ATRN: variants seen among roughly 807,000 people sequenced by gnomAD.
ATRN encodes attractin.
Under a neutral mutation model 178.7 loss-of-function variants are expected in ATRN, and 54 were observed. The observed-to-expected ratio is 0.30, with a 90% CI of 0.24 to 0.38. The LOEUF is 0.38. ATRN is among the 10% of genes least tolerant of loss of function. ATRN has a pLI of 1.00. For missense variants in ATRN, 1,443 were observed against 1,815.1 expected, an observed-to-expected ratio of 0.79 and a Z score of 3.73; for synonymous variants, 636 against 663.0, an observed-to-expected ratio of 0.96 and a Z score of 0.63.
At chr20:3,518,141 G>C (rs528615942) in intron 1 of ATRN, among the ~76,000 whole-genome samples, 1 of 152,160 alleles carries the variant, frequency 6.6e-6, no homozygotes, top group African/African-American at 2.4e-5. Context: ...TTTTTGTGTT[G>C]TGGGAATGAC....
chr20:3,620,714 C>T (rs2086890617), intron 24 of ATRN, among the ~76,000 whole-genome samples: 1 of 152,194 alleles, frequency 6.6e-6, no homozygotes, highest in Non-Finnish European at 1.5e-5. Flanking sequence ...TCTTGGAATA[C>T]AAAAGTGTAT....
rs1196827827 is a variant in ATRN, at chr20:3,638,406, G to A, written c.3943-422G>A. 6.6e-6 allele frequency among the ~76,000 whole-genome samples: 1 copy of A among 152,112 alleles called. No homozygotes were observed. Among genetic ancestry groups the A allele is most frequent in the Non-Finnish European group, 1.5e-5 (1 of 68,040 alleles). ...TATTTGGTTTTCTGTTCCTGTGTTG[G>A]TTTGCTGAGACTGATGGCTTCCAGC... On this transcript the variant is annotated intron_variant, in intron 26 of 28. Coordinates refer to ENST00000262919, the MANE Select transcript of ATRN (RefSeq NM_139321.3). The surrounding 1 kb of genome is among the most constrained non-coding windows in gnomAD (Gnocchi z 4.5).
intron 25 of ATRN, among the ~76,000 whole-genome samples, chr20:3,625,516 T>C (rs1189502920): frequency 6.6e-6 from 1 of 152,242 alleles, no homozygotes; most frequent in East Asian, 1.9e-4. Context: ...GATTTTTCTA[T>C]GTGCCTACCC....
rs533729868 is a variant in ATRN at position 3,644,431 on chromosome 20, G to C, written c.4165+163G>C. Among the ~76,000 whole-genome samples the C allele has an allele frequency of 2.6e-5, 4 of 152,310 alleles. No homozygotes were observed. In the South Asian group the frequency reaches 6.2e-4, roughly 24 times the overall value. On this transcript the variant is annotated intron_variant, in intron 28 of 28. Transcript: ENST00000262919. ...TGAGATAACCCATTTTCACCTATAT[G>C]CCCAAAACTGTTTTCCCGAGGTCAT...
At chr20:3,521,856 C>T (rs760519144) in intron 1 of ATRN, among the ~76,000 whole-genome samples, 39 of 152,174 alleles carry the variant, frequency 2.6e-4, no homozygotes, top group Non-Finnish European at 5.6e-4. Context: ...GATTGTAGCT[C>T]ACTGCAGCCT....
chr20:3,585,126 C>T (rs2086340117), intron 18 of ATRN, among the ~76,000 whole-genome samples: 1 of 152,112 alleles, frequency 6.6e-6, no homozygotes, highest in South Asian at 2.1e-4. Flanking sequence ...CTTGAAGTGA[C>T]CACTCAGCAA....
chr20:3,587,327 G>T (rs556513973), intron 18 of ATRN, among the ~76,000 whole-genome samples: 1 of 152,166 alleles, frequency 6.6e-6, no homozygotes, highest in Admixed American at 6.5e-5. Context: ...ACATAGATTT[G>T]CTCCTAAGTT....
intron 18 of ATRN, among the ~76,000 whole-genome samples, chr20:3,587,972 G>A (rs189546059): frequency 3.3e-5 from 5 of 152,092 alleles, no homozygotes; most frequent in Admixed American, 2.6e-4. Context: ...TCAGCCTCTC[G>A]AGTAACTGGT....
intron 24 of ATRN, among the ~76,000 whole-genome samples, chr20:3,615,407 C>A (rs564232533): frequency 1.4e-5 from 2 of 146,654 alleles, no homozygotes; most frequent in Non-Finnish European, 3.0e-5. Flanking sequence ...GCAGCCTGAG[C>A]GACAGAGCAA....
At chr20:3,510,423 CTT>C (rs2085109121) in intron 1 of ATRN, among the ~76,000 whole-genome samples, 1 of 152,216 alleles carries the variant, frequency 6.6e-6, no homozygotes, top group Non-Finnish European at 1.5e-5. Context: ...TTCAGGAAAA[CTT>C]TATCTGTATA....
At chr20:3,574,200 C>G (rs1296642435) in intron 12 of ATRN, among the ~76,000 whole-genome samples, 1 of 150,752 alleles carries the variant, frequency 6.6e-6, no homozygotes, top group Non-Finnish European at 1.5e-5. Context: ...AAACTTTTCA[C>G]GAATATAAAT....
chr20:3,564,421 G>C (rs235572), intron 10 of ATRN, among the ~76,000 whole-genome samples: 130,541 of 152,152 alleles, frequency 0.86, 56,415 homozygotes, highest in East Asian at 1. Flanking sequence ...AGGAAACCCA[G>C]TTTGCAGAGA....
In ATRN at chr20:3,638,439, G is replaced by A. The variant is rs7261629; in HGVS notation, c.3943-389G>A. On this transcript the variant is annotated intron_variant, in intron 26 of 28. Transcript: ENST00000262919. This position sits in a 1 kb window ranked among gnomAD's most constrained non-coding sequence, Gnocchi z 4.5. The stretch of plus-strand genomic sequence containing the variant: ...AGACTGATGGCTTCCAGCTTCATCC[G>A]TGTCCCTGCAAAGGATATGAACTCA... 0.17 allele frequency among the ~76,000 whole-genome samples: 25,787 copies of A among 152,080 alleles called. 4,514 individuals are homozygous for A. The highest frequency in any genetic ancestry group is 0.45 in the African/African-American group (18,731 of 41,436).
intron 1 of ATRN, among the ~76,000 whole-genome samples, chr20:3,527,641 ACTC>A (rs1282186370): frequency 6.6e-6 from 1 of 151,842 alleles, no homozygotes; most frequent in Non-Finnish European, 1.5e-5. Flanking sequence ...TTGCAGCACT[ACTC>A]ACAATAGCAA....
Position 3,562,314 on chromosome 20 carries a change from C to G in ATRN, c.1486C>G (p.Leu496Val). ...GAGTATATTACACACCCAGGGTGCCCTTGTGCAAGGGGGTTACGGCCATAG... is the reference window on the plus strand; with the variant it reads ...GAGTATATTACACACCCAGGGTGCCGTTGTGCAAGGGGGTTACGGCCATAG... ...TWSILHTQGA[L>V]VQGGYGHSSV... Residue 496 changes from leucine (L) to valine (V), a missense_variant, in exon 9 of 29, where the codon CTT becomes GTT. By Grantham distance (32) the Leu-to-Val change is conservative (BLOSUM62 1). Around this residue, in one of 4 missense-constraint regions of ATRN, gnomAD observed 862 missense variants for 972.1 expected, o/e 0.89. Coordinates refer to ENST00000262919, the MANE Select transcript of ATRN (RefSeq NM_139321.3). 1 of 1,614,026 alleles carries G rather than the reference C, an allele frequency of 6.2e-7. No individual in the cohort carries two copies. The highest frequency in any genetic ancestry group is 8.5e-7 in the Non-Finnish European group (1 of 1,179,938).
chr20:3,503,281 G>A (rs1199095575), intron 1 of ATRN, among the ~76,000 whole-genome samples: 1 of 152,154 alleles, frequency 6.6e-6, no homozygotes, highest in Non-Finnish European at 1.5e-5. Context: ...CTATGTTAGA[G>A]ACTTCTAACA....
At chr20:3,475,278 C>T (rs1454223103) in intron 1 of ATRN, among the ~76,000 whole-genome samples, 1 of 152,020 alleles carries the variant, frequency 6.6e-6, no homozygotes, top group Non-Finnish European at 1.5e-5. Context: ...TTGAAGGGAA[C>T]GTAGGCTAAC....
At chr20:3,474,559 T>C (rs754699108) in intron 1 of ATRN, among the ~76,000 whole-genome samples, 14 of 150,990 alleles carry the variant, frequency 9.3e-5, no homozygotes, top group South Asian at 2.1e-4. Context: ...TACAAAAAAT[T>C]AGCCGGGCGT....
At chr20:3,510,167 T>C (rs2085105365) in intron 1 of ATRN, among the ~76,000 whole-genome samples, 1 of 152,246 alleles carries the variant, frequency 6.6e-6, no homozygotes, top group South Asian at 2.1e-4. Flanking sequence ...ATTCTGTCAG[T>C]TGACCTGCAA....
Sources: allele counts gnomAD v4.1 joint callset (sites outside exome capture counted in the v4.1 genomes callset), GRCh38; gene constraint gnomAD v4.1.1; regional missense constraint gnomAD v4.1.1; non-coding constraint Gnocchi (gnomAD v3.1); transcripts MANE v1.5; gene names NCBI Gene and HGNC (gene_info 2026-07-23, HGNC 2026-07-21).